HDHD2: variants seen among roughly 807,000 people sequenced by gnomAD.
The protein encoded by HDHD2 is haloacid dehalogenase-like hydrolase domain-containing protein 2.
Under a neutral mutation model 24.8 loss-of-function variants are expected in HDHD2, and 26 were observed. The observed-to-expected ratio is 1.05, with a 90% CI of 0.77 to 1.45. HDHD2 has a LOEUF of 1.45. Among genes scored for constraint, HDHD2 ranks in the 40% most tolerant of loss-of-function variants. The pLI is 0.00. For missense variants in HDHD2, 299 were observed against 313.4 expected, an observed-to-expected ratio of 0.95 and a Z score of 0.35; for synonymous variants, 128 against 114.9, an observed-to-expected ratio of 1.11 and a Z score of -0.73.
intron 3 of HDHD2, among the ~76,000 whole-genome samples, chr18:47,133,145 C>A (rs1288262651): frequency 6.7e-6 from 1 of 149,244 alleles, no homozygotes; most frequent in African/African-American, 2.6e-5. Context: ...TCCCTCCCCA[C>A]TCCCCCCACC....
chr18:47,130,266 G>A lies in HDHD2; in HGVS notation c.373C>T (p.Gln125Ter). The part of the protein sequence containing the change: ...MGLAPEHFHY[Q>*]ILNQAFRLLL... Reference sequence around the variant, plus strand: ...TACCGGAATGCTTGATTCAGAATTTGATAATGAAAATGTTCTGGTGCCAAT... The same window carrying A: ...TACCGGAATGCTTGATTCAGAATTTAATAATGAAAATGTTCTGGTGCCAAT... The change falls in exon 4 of 7, where the codon CAA becomes TAA. Residue 125 changes from glutamine (Q) to a stop codon, truncating the protein, a stop_gained. Transcript: ENST00000300605. LOFTEE classifies it high-confidence loss of function. The A allele has an allele frequency of 6.2e-7, 1 of 1,602,702 alleles. No individual in the cohort carries two copies. Among genetic ancestry groups the A allele is most frequent in the Non-Finnish European group, 8.5e-7 (1 of 1,170,896 alleles).
intron 4 of HDHD2, among the ~76,000 whole-genome samples, chr18:47,120,893 A>T (rs1341810697): frequency 6.6e-6 from 1 of 152,184 alleles, no homozygotes; most frequent in East Asian, 1.9e-4. Context: ...TAAATTTGCC[A>T]TCTTAACATG....
chr18:47,132,475 A>G (rs2063722653), intron 3 of HDHD2, among the ~76,000 whole-genome samples: 1 of 152,216 alleles, frequency 6.6e-6, no homozygotes, highest in African/African-American at 2.4e-5. Context: ...GCTGCTTCAT[A>G]TGTAATTTTG....
At chr18:47,139,339 C>T (rs911809865) in intron 1 of HDHD2, among the ~76,000 whole-genome samples, 3 of 151,010 alleles carry the variant, frequency 2.0e-5, no homozygotes, top group Admixed American at 6.6e-5. Context: ...GGTGGCGGCG[C>T]GTGTAGTCCC....
At chr18:47,133,439 A>G (rs1404147680) in intron 3 of HDHD2, among the ~76,000 whole-genome samples, 1 of 149,558 alleles carries the variant, frequency 6.7e-6, no homozygotes, top group East Asian at 1.9e-4. Context: ...TATTGTGAAT[A>G]GTGCCACAGT....
At chr18:47,126,819 A>T (rs900042487) in intron 4 of HDHD2, among the ~76,000 whole-genome samples, 1 of 152,186 alleles carries the variant, frequency 6.6e-6, no homozygotes, top group Admixed American at 6.5e-5. Context: ...AGAAAGCATA[A>T]ATACTGCTCA....
At chr18:47,130,513 G>A (rs1407285531) in intron 3 of HDHD2, among the ~76,000 whole-genome samples, 185 bp from the exon 4 acceptor site, 1 of 152,192 alleles carries the variant, frequency 6.6e-6, no homozygotes, top group East Asian at 1.9e-4. Flanking sequence ...GGGAGAGGGA[G>A]ATGGGGGTTG....
chr18:47,142,278 T>A (rs1233232980), intron 1 of HDHD2, among the ~76,000 whole-genome samples: 1 of 148,850 alleles, frequency 6.7e-6, no homozygotes. Flanking sequence ...TTTCATTTCA[T>A]AAAAAAAAAA....
At chr18:47,110,966 T>C (rs1280590601) in intron 6 of HDHD2, 5 of 985,134 alleles carry the variant, frequency 5.1e-6, no homozygotes, top group Admixed American at 6.1e-5. Context: ...GCACTTATTA[T>C]TGAATATGAA....
intron 5 of HDHD2, 36 bp downstream of exon 5, chr18:47,115,096 G>A (rs1355516312): frequency 8.7e-6 from 13 of 1,489,938 alleles, no homozygotes; most frequent in African/African-American, 4.1e-5. Flanking sequence ...AGCACAACAG[G>A]TGAGCTGGGA....
intron 6 of HDHD2, chr18:47,111,893 G>T: frequency 2.9e-6 from 2 of 679,352 alleles, no homozygotes; most frequent in Non-Finnish European, 3.6e-6. Flanking sequence ...TTGACTTTAT[G>T]TTTAAATATT....
At chr18:47,110,180 A>G (rs964072394) in intron 6 of HDHD2, 5 of 985,310 alleles carry the variant, frequency 5.1e-6, no homozygotes, top group East Asian at 1.1e-4. Flanking sequence ...TTTGCCAGAC[A>G]AACACAAAGC....
At chr18:47,108,846 C>T (rs553541100) in intron 6 of HDHD2, 61 bp from the exon 7 acceptor site, 9 of 947,634 alleles carry the variant, frequency 9.5e-6, no homozygotes, top group African/African-American at 8.2e-5. Flanking sequence ...TTAATCATAC[C>T]CCATGAGCAC....
intron 4 of HDHD2, among the ~76,000 whole-genome samples, chr18:47,122,955 TACTCA>T (rs1318286579): frequency 6.6e-6 from 1 of 152,110 alleles, no homozygotes; most frequent in Non-Finnish European, 1.5e-5. Flanking sequence ...TAGTAAGAAA[TACTCA>T]AAGTGGTAAA....
At chr18:47,137,255 G>T in intron 1 of HDHD2, 2 of 562,706 alleles carry the variant, frequency 3.6e-6, no homozygotes, top group Non-Finnish European at 3.4e-6. Context: ...GGAAATGGAG[G>T]CTGAAGATAC....
At chr18:47,128,082 T>A (rs1332185736) in intron 4 of HDHD2, among the ~76,000 whole-genome samples, 4 of 152,226 alleles carry the variant, frequency 2.6e-5, no homozygotes, top group Non-Finnish European at 5.9e-5. Context: ...ATCCTTCTGT[T>A]AACTCTCCAT....
At chr18:47,110,765 G>T in intron 6 of HDHD2, 1 of 985,178 alleles carries the variant, frequency 1.0e-6, no homozygotes. Context: ...GGAGAAAACA[G>T]GATGCTATGT....
chr18:47,123,079 A>G (rs1322660767), intron 4 of HDHD2, among the ~76,000 whole-genome samples: 13 of 152,168 alleles, frequency 8.5e-5, no homozygotes, highest in Admixed American at 8.5e-4. Flanking sequence ...TAGCAAGAAA[A>G]ATAAAAAGAA....
Position 47,150,484 on chromosome 18 carries a change from G to C in HDHD2, c.-117C>G, listed in dbSNP as rs894120068. ...GGGATAGACAGCCCCGCTGCTGCCC[G>C]ACGGACGCCGGAAGTTGGGCCCTGG... is the stretch of plus-strand genomic sequence containing the variant. On this transcript the variant is annotated 5_prime_UTR_variant, in exon 1 of 7. Coordinates refer to ENST00000300605, the MANE Select transcript of HDHD2 (RefSeq NM_032124.5). The C allele has an allele frequency of 1.3e-5, 2 of 152,218 alleles. No homozygotes were observed. Among genetic ancestry groups the C allele is most frequent in the African/African-American group, 4.8e-5 (2 of 41,454 alleles). The allele number at this position is 152,218 out of a possible 1,614,324, so 9.4% of individuals were successfully genotyped here.
Sources: gnomAD v4.1 joint callset for allele counts (sites outside exome capture counted in the v4.1 genomes callset) on GRCh38, gnomAD v4.1.1 for gene constraint, MANE v1.5 for transcripts, NCBI Gene and HGNC (gene_info 2026-07-23, HGNC 2026-07-21) for gene names.